Variants in RNF17 observed in about 807,000 individuals in gnomAD.
RNF17 encodes ring finger protein 17, also known as spermatogenesis associated 23.
In RNF17, 31 loss-of-function variants were observed where a neutral mutation model predicts 200.5. That is an observed-to-expected ratio of 0.15 (90% CI 0.12 to 0.21). The LOEUF is 0.21. Ranked by LOEUF, RNF17 falls within the 10% of genes least tolerant of loss-of-function variation. RNF17 has a pLI of 1.00. For missense variants in RNF17, 1,628 were observed against 1,905.1 expected (o/e 0.85, Z 2.71); for synonymous variants, 606 against 637.8 (o/e 0.95, Z 0.75).
upstream of RNF17, among the ~76,000 whole-genome samples, chr13:24,763,222 A>C (rs1259374050): frequency 9.1e-6 from 1 of 109,434 alleles, no homozygotes; most frequent in Non-Finnish European, 1.8e-5. Flanking sequence ...TTTTTTTTTG[A>C]GACGCAGTCT....
At position 24,782,770 on chromosome 13, in the gene RNF17, T is replaced by C. The variant is rs1477324068; in HGVS notation, c.611+826T>C. 3.3e-5 allele frequency among the ~76,000 whole-genome samples: 5 copies of C among 152,224 alleles called. No homozygotes were observed. In the East Asian group the frequency reaches 9.6e-4, roughly 29 times the overall value. On this transcript the variant is annotated intron_variant, in intron 6 of 35. Coordinates refer to ENST00000255324, the MANE Select transcript of RNF17 (RefSeq NM_031277.3). ...AGGATTGCTTGAGCCCAATTGTTGC[T>C]ATTGGGTTATAGCAATTCTTTGTAT...
the RNF17 span, among the ~76,000 whole-genome samples, chr13:24,756,705 TCAA>T: frequency 1.3e-5 from 2 of 152,194 alleles, no homozygotes; most frequent in South Asian, 4.1e-4. Context: ...TTACCTTTTA[TCAA>T]CCAGATAAAA....
At position 24,774,433 on chromosome 13, in the gene RNF17, C is replaced by A. The variant is rs151325430; in HGVS notation, c.226-380C>A. Among the ~76,000 whole-genome samples the A allele has an allele frequency of 1.0e-2, 1,522 of 152,344 alleles. 36 individuals carry two copies. The highest frequency in any genetic ancestry group is 0.034 in the African/African-American group (1,407 of 41,566). On this transcript the variant is annotated intron_variant, in intron 2 of 35. Transcript: ENST00000255324. ...CCATGTTGGCCAGGCTGGTGTTGAACTCCTGACCTCAGGTGATCCACTCGC... is the reference window on the plus strand; with the variant it reads ...CCATGTTGGCCAGGCTGGTGTTGAAATCCTGACCTCAGGTGATCCACTCGC...
intron 28 of RNF17, among the ~76,000 whole-genome samples, chr13:24,864,129 G>A (rs963164040): frequency 3.9e-5 from 6 of 152,210 alleles, no homozygotes; most frequent in African/African-American, 1.4e-4. Context: ...AGACGTCGCT[G>A]CAAAGGTAAC....
intron 22 of RNF17, among the ~76,000 whole-genome samples, chr13:24,845,760 G>A (rs1162755814): frequency 6.6e-6 from 1 of 152,200 alleles, no homozygotes; most frequent in Non-Finnish European, 1.5e-5. Flanking sequence ...GCAAGAAAGA[G>A]ATCTGTAAAT....
intron 26 of RNF17, among the ~76,000 whole-genome samples, chr13:24,860,155 A>G (rs1462643183): frequency 6.6e-6 from 1 of 151,658 alleles, no homozygotes; most frequent in African/African-American, 2.4e-5. Flanking sequence ...GTGCAAAGTG[A>G]CATACATTCG....
At chr13:24,859,794 A>G (rs1475761942) in intron 26 of RNF17, among the ~76,000 whole-genome samples, 2 of 152,100 alleles carry the variant, frequency 1.3e-5, no homozygotes, top group Non-Finnish European at 2.9e-5. Flanking sequence ...TTTCTGTTTG[A>G]TGATGATAAC....
chr13:24,856,523 C>A (rs201886511), intron 25 of RNF17, among the ~76,000 whole-genome samples: 1 of 151,324 alleles, frequency 6.6e-6, no homozygotes, highest in East Asian at 1.9e-4. Context: ...TACATAAAGT[C>A]TTTAAGCTAT....
At chr13:24,787,214 C>T (rs919903340) in intron 6 of RNF17, among the ~76,000 whole-genome samples, 4 of 151,998 alleles carry the variant, frequency 2.6e-5, no homozygotes, top group African/African-American at 9.7e-5. Flanking sequence ...ATTTTGTCCC[C>T]TAGATCATTT....
At chr13:24,883,687 G>T (rs555424203), downstream of RNF17, among the ~76,000 whole-genome samples, 1 of 152,292 alleles carries the variant, frequency 6.6e-6, no homozygotes, top group South Asian at 2.1e-4. Flanking sequence ...CTGAGTGTTT[G>T]TTTGCTCTGT....
At position 24,812,226 on chromosome 13, in the gene RNF17, C is replaced by T. The variant is rs374331265; in HGVS notation, c.2091+7797C>T. On this transcript the variant is annotated intron_variant, in intron 15 of 35. Coordinates refer to ENST00000255324, the MANE Select transcript of RNF17 (RefSeq NM_031277.3). ...CTAAGCAAGCCTGGGCAATGGCGGGCGCCCCTCCCCCAGCCTCGCTGCCGC... is the reference window on the plus strand; with the variant it reads ...CTAAGCAAGCCTGGGCAATGGCGGGTGCCCCTCCCCCAGCCTCGCTGCCGC... 1.6e-3 allele frequency among the ~76,000 whole-genome samples: 242 copies of T among 150,242 alleles called. 5 individuals carry two copies. In the East Asian group the frequency reaches 0.031, roughly 19 times the overall value.
At chr13:24,794,363 C>T in intron 10 of RNF17, 1 of 341,458 alleles carries the variant, frequency 2.9e-6, no homozygotes, top group Middle Eastern at 4.4e-4. Flanking sequence ...AAACATATTA[C>T]TTTCTAATGT....
rs925555227 is a variant in RNF17 at position 24,850,435 on chromosome 13, G to T, written c.3196G>T (p.Asp1066Tyr). The change falls in exon 23 of 36, where the codon GAT (aspartate) becomes TAT (tyrosine). Residue 1066 changes from aspartate (D) to tyrosine (Y), a missense_variant. Transcript: ENST00000255324. ...GAVATIILQV[D>Y]SEENNTTWPL... The stretch of plus-strand genomic sequence containing the variant: ...TGTAGCAACTATAATCTTACAGGTG[G>T]ATAGTGAGGTAACAAGTTACAAGAG... The T allele has an allele frequency of 2.5e-6, 4 of 1,598,410 alleles. No homozygotes were observed. Among genetic ancestry groups the T allele is most frequent in the Non-Finnish European group, 3.4e-6 (4 of 1,166,714 alleles).
rs116183380 is a variant in RNF17, at chr13:24,764,487, C to T, written c.130+154C>T. 1,839 of 730,304 alleles carry T rather than the reference C, an allele frequency of 2.5e-3. 38 individuals carry two copies. The African/African-American group carries it at 0.032, about 13-fold the overall frequency. 45.2% of individuals were successfully genotyped at this position (730,304 alleles called of 1,614,324 possible). On this transcript the variant is annotated intron_variant, in intron 1 of 35. Coordinates refer to ENST00000255324, the MANE Select transcript of RNF17 (RefSeq NM_031277.3). ...AGGCCTCCCGCGAGCTGCACCCGAC[C>T]TCTAAGAGGGCAGTGCTTGGGTTGG... is the stretch of plus-strand genomic sequence containing the variant.
chr13:24,759,531 G>C (rs1033549019), upstream of RNF17, among the ~76,000 whole-genome samples: 1 of 152,178 alleles, frequency 6.6e-6, no homozygotes, highest in Non-Finnish European at 1.5e-5. Flanking sequence ...AAGGGTGAGG[G>C]AAGCAAGAGT....
chr13:24,778,491 A>T (rs1032762177), intron 4 of RNF17, 85 bp downstream of exon 4: 1 of 870,604 alleles, frequency 1.1e-6, no homozygotes, highest in Non-Finnish European at 1.9e-6. Flanking sequence ...TCCTATAATT[A>T]TAGATTCTTT....
chr13:24,771,389 CT>C (rs925717504), intron 2 of RNF17, among the ~76,000 whole-genome samples: 1 of 124,924 alleles, frequency 8.0e-6, no homozygotes, highest in Admixed American at 1.1e-4. Context: ...AGGCTAGGTC[CT>C]TGCTATGTTG....
intron 13 of RNF17, among the ~76,000 whole-genome samples, chr13:24,801,253 C>G (rs1319639147): frequency 1.3e-5 from 2 of 152,146 alleles, no homozygotes; most frequent in Admixed American, 6.5e-5. Flanking sequence ...ATAAAAACTT[C>G]AGAAAGCTAT....
intron 25 of RNF17, among the ~76,000 whole-genome samples, 160 bp from the exon 26 acceptor site, chr13:24,858,841 T>C (rs566352629): frequency 9.2e-5 from 14 of 151,620 alleles, no homozygotes; most frequent in Non-Finnish European, 1.3e-4. Context: ...ATATTGTTTA[T>C]ATGCTATTAC....
Sources: allele counts gnomAD v4.1 joint callset (sites outside exome capture counted in the v4.1 genomes callset), GRCh38; gene constraint gnomAD v4.1.1; transcripts MANE v1.5; gene names NCBI Gene and HGNC (gene_info 2026-07-23, HGNC 2026-07-21).